Variants in CADPS observed in about 807,000 individuals in gnomAD.
CADPS encodes the protein calcium-dependent secretion activator 1.
Under a neutral mutation model 167.3 loss-of-function variants are expected in CADPS, and 57 were observed. The observed-to-expected ratio is 0.34, with a 90% confidence interval of 0.28 to 0.42. The LOEUF (loss-of-function observed/expected upper bound fraction) is 0.42. CADPS is among the 20% of genes least tolerant of loss of function. The pLI is 1.00. For synonymous variants in CADPS, 676 were observed against 635.3 expected (o/e 1.06, Z -0.96); for missense variants, 1,414 against 1,738.1 (o/e 0.81, Z 3.32).
rs75495647 is a variant in CADPS, at chr3:62,664,056, G to A, written c.889-1662C>T. On this transcript the variant is annotated intron_variant, in intron 3 of 29. Coordinates refer to ENST00000383710, the MANE Select transcript of CADPS (RefSeq NM_003716.4). ...GAGGTCTTGCTGTCTTGCCCAGGCC[G>A]GAGTGCAGTGGTGTGATCTCGGCTC... Among the ~76,000 whole-genome samples, 138 of 151,994 alleles carry A rather than the reference G, an allele frequency of 9.1e-4. 4 individuals are homozygous for A. The East Asian group carries it at 0.02, about 22-fold the overall frequency.
intron 3 of CADPS, among the ~76,000 whole-genome samples, chr3:62,708,724 A>C (rs1185094110): frequency 6.6e-6 from 1 of 152,044 alleles, no homozygotes; most frequent in Middle Eastern, 3.2e-3. Flanking sequence ...AAGCTGAGCC[A>C]AGTCGCTTGT....
intron 28 of CADPS, among the ~76,000 whole-genome samples, chr3:62,418,631 A>G (rs1412798470): frequency 4.6e-5 from 7 of 151,620 alleles, no homozygotes; most frequent in Non-Finnish European, 8.8e-5. Flanking sequence ...GTGAGCCACC[A>G]AGCCCGGCTG....
intron 3 of CADPS, among the ~76,000 whole-genome samples, chr3:62,749,779 A>T (rs1348689290): frequency 2.0e-5 from 3 of 152,190 alleles, no homozygotes; most frequent in Admixed American, 2.0e-4. Context: ...CTACCTGCCT[A>T]TGCAGACTTC....
chr3:62,794,956 T>C (rs540568495), intron 1 of CADPS, among the ~76,000 whole-genome samples: 13 of 152,144 alleles, frequency 8.5e-5, no homozygotes, highest in Admixed American at 5.9e-4. Flanking sequence ...TCACTGTCTC[T>C]TTGCCAGAGC....
chr3:62,820,136 A>C (rs1041305326), intron 1 of CADPS, among the ~76,000 whole-genome samples: 3 of 152,118 alleles, frequency 2.0e-5, no homozygotes, highest in African/African-American at 4.8e-5. Flanking sequence ...AAGCCCAATG[A>C]TCCTGAACAA....
At chr3:62,852,884 A>G (rs1216157031) in intron 1 of CADPS, among the ~76,000 whole-genome samples, 1 of 152,248 alleles carries the variant, frequency 6.6e-6, no homozygotes, top group Non-Finnish European at 1.5e-5. Context: ...AACTAGAAAC[A>G]TAAAATAACT....
At chr3:62,533,565 A>G (rs1299429971) in intron 12 of CADPS, among the ~76,000 whole-genome samples, 1 of 152,182 alleles carries the variant, frequency 6.6e-6, no homozygotes, top group African/African-American at 2.4e-5. Flanking sequence ...AAAGACAAGA[A>G]AATGGAAATC....
intron 6 of CADPS, among the ~76,000 whole-genome samples, chr3:62,615,512 AATGAATGTTGATTATT>A (rs1386232049): frequency 6.6e-6 from 1 of 152,206 alleles, no homozygotes; most frequent in Non-Finnish European, 1.5e-5. Context: ...ACCTGAGTTG[AATGAATGTTGATTATT>A]ATGTCTCACA....
intron 13 of CADPS, among the ~76,000 whole-genome samples, chr3:62,521,817 C>A (rs1039039411): frequency 6.6e-6 from 1 of 152,172 alleles, no homozygotes; most frequent in Non-Finnish European, 1.5e-5. Flanking sequence ...GAGGGTAAAT[C>A]GAGGTGCCTA....
chr3:62,437,419 C>T lies in CADPS; in HGVS notation c.3777+685G>A, dbSNP rs148350890. Reference sequence around the variant, plus strand: ...TGCAGTCTCAGTGGAAATAAGATTGCTCAAAAATGATTAACCCTTGGTAAT... The same window carrying T: ...TGCAGTCTCAGTGGAAATAAGATTGTTCAAAAATGATTAACCCTTGGTAAT... On this transcript the variant is annotated intron_variant, in intron 28 of 29. Coordinates refer to ENST00000383710, the MANE Select transcript of CADPS (RefSeq NM_003716.4). Among the ~76,000 whole-genome samples the T allele has an allele frequency of 9.3e-4, 138 of 148,268 alleles. 4 individuals carry two copies. In the East Asian group the frequency reaches 0.023, roughly 25 times the overall value.
intron 1 of CADPS, among the ~76,000 whole-genome samples, chr3:62,800,958 T>G (rs2093726330): frequency 6.6e-6 from 1 of 152,160 alleles, no homozygotes; most frequent in Non-Finnish European, 1.5e-5. Context: ...AAAACAGAGC[T>G]TAGCTACATT....
At chr3:62,579,729 A>G (rs1295552284) in intron 8 of CADPS, among the ~76,000 whole-genome samples, 1 of 152,180 alleles carries the variant, frequency 6.6e-6, no homozygotes, top group African/African-American at 2.4e-5. Flanking sequence ...TAGTCATGGT[A>G]ACAACACTGG....
intron 3 of CADPS, among the ~76,000 whole-genome samples, chr3:62,707,011 C>T (rs1394214335): frequency 1.3e-5 from 2 of 152,098 alleles, no homozygotes; most frequent in Non-Finnish European, 2.9e-5. Context: ...AGGATTCTAT[C>T]TCCAAGTAAA....
intron 6 of CADPS, among the ~76,000 whole-genome samples, chr3:62,636,399 C>T (rs2066309313): frequency 6.6e-6 from 1 of 152,172 alleles, no homozygotes. Flanking sequence ...GAAATAGCTG[C>T]CTCATCCCAA....
intron 2 of CADPS, among the ~76,000 whole-genome samples, chr3:62,762,691 T>C (rs2085800418): frequency 6.7e-6 from 1 of 149,390 alleles, no homozygotes; most frequent in East Asian, 2.0e-4. Context: ...TATGGGAGGA[T>C]GTGCATAGGT....
Position 62,774,176 on chromosome 3 carries a change from G to A in CADPS, c.442-8192C>T, listed in dbSNP as rs189768016. Among the ~76,000 whole-genome samples the A allele has an allele frequency of 3.3e-5, 5 of 152,148 alleles. No individual in the cohort carries two copies. The East Asian group carries it at 5.8e-4, about 18-fold the overall frequency. Reference sequence around the variant, plus strand: ...AGAGAAGAGGAAAAGGATCAAAGGGGACGAAAAGAAGAGAAGGAGAAGGAG... The same window carrying A: ...AGAGAAGAGGAAAAGGATCAAAGGGAACGAAAAGAAGAGAAGGAGAAGGAG... On this transcript the variant is annotated intron_variant, in intron 1 of 29. Transcript: ENST00000383710.
Position 62,422,619 on chromosome 3 carries a change from C to G in CADPS, c.3777+15485G>C, listed in dbSNP as rs575888975. ...AGAAAGGACTTTGGTGATACCTGAT[C>G]TCAAATTTTCACATTGCTGACATCT... On this transcript the variant is annotated intron_variant, in intron 28 of 29. Coordinates refer to ENST00000383710, the MANE Select transcript of CADPS (RefSeq NM_003716.4). Among the ~76,000 whole-genome samples, 39 of 152,198 alleles carry G rather than the reference C, an allele frequency of 2.6e-4. 1 individual carries two copies. In the South Asian group the frequency reaches 4.4e-3, roughly 17 times the overall value.
At chr3:62,430,624 C>A (rs971108690) in intron 28 of CADPS, among the ~76,000 whole-genome samples, 9 of 151,934 alleles carry the variant, frequency 5.9e-5, no homozygotes, top group Non-Finnish European at 1.2e-4. Flanking sequence ...TTTCCTCTGC[C>A]AAGGAAACTT....
chr3:62,774,485 C>A (rs939454774), intron 1 of CADPS, among the ~76,000 whole-genome samples: 1 of 152,128 alleles, frequency 6.6e-6, no homozygotes, highest in East Asian at 1.9e-4. Context: ...TGTCAAGTCT[C>A]TTTCCCCTCT....
Sources: allele counts gnomAD v4.1 joint callset (sites outside exome capture counted in the v4.1 genomes callset), GRCh38; gene constraint gnomAD v4.1.1; transcripts MANE v1.5; gene names NCBI Gene and HGNC (gene_info 2026-07-23, HGNC 2026-07-21).